TMEM132C: variants seen among roughly 807,000 people sequenced by gnomAD.
TMEM132C encodes the protein protein phosphatase 1, regulatory subunit 152.
In TMEM132C, 29 loss-of-function variants were observed where a neutral mutation model predicts 61.4. The ratio of observed to expected loss-of-function variants is 0.47; its 90% CI spans 0.35 to 0.64. TMEM132C has a LOEUF of 0.64. TMEM132C is among the 30% of genes least tolerant of loss of function. The pLI, the probability that TMEM132C is intolerant of heterozygous loss-of-function variation, is 0.00. For missense variants in TMEM132C, 1,408 were observed against 1,476.9 expected (o/e 0.95, Z 0.76); for synonymous variants, 656 against 633.1 (o/e 1.04, Z -0.54).
At chr12:128,700,087 T>C (rs567793324) in intron 8 of TMEM132C, among the ~76,000 whole-genome samples, 67 of 152,320 alleles carry the variant, frequency 4.4e-4, no homozygotes, top group Middle Eastern at 6.8e-3. Flanking sequence ...GGGTGGACGA[T>C]TGGCATTGCA....
intron 3 of TMEM132C, among the ~76,000 whole-genome samples, chr12:128,594,837 A>G (rs557176726): frequency 6.6e-6 from 1 of 152,334 alleles, no homozygotes; most frequent in African/African-American, 2.4e-5. Flanking sequence ...TTCACTCTCC[A>G]TGCAGGCAGC....
At chr12:128,339,219 C>A (rs960459339) in intron 1 of TMEM132C, among the ~76,000 whole-genome samples, 1 of 151,938 alleles carries the variant, frequency 6.6e-6, no homozygotes, top group Non-Finnish European at 1.5e-5. Flanking sequence ...GTGCCAGGGA[C>A]CTCCAAGGGC....
chr12:128,519,787 G>A lies in TMEM132C; in HGVS notation c.975-24170G>A, dbSNP rs186529072. On this transcript the variant is annotated intron_variant, in intron 2 of 8. Transcript: ENST00000435159. Reference sequence around the variant, plus strand: ...GACTATTGACAAGGAAGAATGAGGGGTTGGCAGTTAGTGAGACCCCTCGAG... The same window carrying A: ...GACTATTGACAAGGAAGAATGAGGGATTGGCAGTTAGTGAGACCCCTCGAG... 1.2e-3 allele frequency among the ~76,000 whole-genome samples: 183 copies of A among 152,320 alleles called. 1 individual carries two copies. Among genetic ancestry groups the A allele is most frequent in the Admixed American group, 2.3e-3 (35 of 15,308 alleles).
chr12:128,456,739 T>C (rs969276582), intron 2 of TMEM132C, among the ~76,000 whole-genome samples: 8 of 152,086 alleles, frequency 5.3e-5, no homozygotes, highest in Non-Finnish European at 1.0e-4. Context: ...CATACACCCA[T>C]GTAACCCATA....
At chr12:128,391,432 C>T (rs999978528) in intron 1 of TMEM132C, among the ~76,000 whole-genome samples, 4 of 152,174 alleles carry the variant, frequency 2.6e-5, no homozygotes, top group African/African-American at 9.7e-5. Flanking sequence ...ATGTATTCCC[C>T]TCAGGAAAGG....
intron 2 of TMEM132C, among the ~76,000 whole-genome samples, chr12:128,468,934 A>C (rs1353794834): frequency 6.6e-6 from 1 of 152,216 alleles, no homozygotes; most frequent in Admixed American, 6.5e-5. Flanking sequence ...CATGAATCAG[A>C]CTCAATGTGG....
chr12:128,329,612 C>A (rs952733100), intron 1 of TMEM132C, among the ~76,000 whole-genome samples: 1 of 152,100 alleles, frequency 6.6e-6, no homozygotes, highest in African/African-American at 2.4e-5. Flanking sequence ...ATTATCGTCC[C>A]ACAGATGGAT....
At chr12:128,488,518 G>A (rs1283619454) in intron 2 of TMEM132C, among the ~76,000 whole-genome samples, 6 of 151,880 alleles carry the variant, frequency 4.0e-5, no homozygotes, top group Non-Finnish European at 8.8e-5. Context: ...GAAATTAGCC[G>A]GACATGGTGG....
intron 2 of TMEM132C, among the ~76,000 whole-genome samples, chr12:128,515,161 C>G (rs1359537069): frequency 1.3e-5 from 2 of 152,224 alleles, no homozygotes; most frequent in African/African-American, 4.8e-5. Flanking sequence ...ATCACGTTCT[C>G]CCCTACATGC....
chr12:128,281,894 G>GGT (rs1870909638), intron 1 of TMEM132C, among the ~76,000 whole-genome samples: 1 of 152,096 alleles, frequency 6.6e-6, no homozygotes, highest in Admixed American at 6.5e-5. Flanking sequence ...CTTATCTCTA[G>GGT]GTACCCAGCC....
intron 2 of TMEM132C, among the ~76,000 whole-genome samples, chr12:128,472,586 C>T (rs760550733): frequency 2.0e-4 from 31 of 152,300 alleles, no homozygotes; most frequent in Admixed American, 5.2e-4. Context: ...GATATCAAGG[C>T]AGACCTTTCT....
chr12:128,631,461 A>T (rs1361957802), intron 4 of TMEM132C, among the ~76,000 whole-genome samples: 1 of 152,096 alleles, frequency 6.6e-6, no homozygotes, highest in East Asian at 1.9e-4. Flanking sequence ...TTCACCCTTT[A>T]GTGTGGTTCT....
intron 2 of TMEM132C, among the ~76,000 whole-genome samples, chr12:128,523,063 T>C (rs1000556295): frequency 1.3e-5 from 2 of 152,192 alleles, no homozygotes; most frequent in African/African-American, 4.8e-5. Flanking sequence ...TACAATGGAA[T>C]ATTATTCAGC....
chr12:128,680,153 G>T (rs957664500), intron 5 of TMEM132C, among the ~76,000 whole-genome samples: 9 of 152,194 alleles, frequency 5.9e-5, no homozygotes, highest in African/African-American at 2.2e-4. Context: ...TCAGAATTTT[G>T]TTTTACTCTC....
chr12:128,497,840 C>A (rs1042454692), intron 2 of TMEM132C, among the ~76,000 whole-genome samples: 2 of 152,116 alleles, frequency 1.3e-5, no homozygotes, highest in African/African-American at 4.8e-5. Context: ...TGTCCTGCCC[C>A]CAATGTCTGA....
intron 1 of TMEM132C, among the ~76,000 whole-genome samples, chr12:128,389,044 A>T (rs528419190): frequency 6.8e-6 from 1 of 146,214 alleles, no homozygotes; most frequent in Non-Finnish European, 1.5e-5. Flanking sequence ...CCTGGGAGAG[A>T]CAAAGACCAG....
intron 1 of TMEM132C, among the ~76,000 whole-genome samples, chr12:128,377,229 A>G (rs1874220973): frequency 6.6e-6 from 1 of 151,934 alleles, no homozygotes. Context: ...TAATTTTTGT[A>G]TTTTTAGTAG....
chr12:128,625,504 A>G (rs1183847712), intron 4 of TMEM132C, among the ~76,000 whole-genome samples: 1 of 152,214 alleles, frequency 6.6e-6, no homozygotes, highest in Admixed American at 6.5e-5. Context: ...ATGGCTGGGG[A>G]GGCCTCACAA....
intron 4 of TMEM132C, among the ~76,000 whole-genome samples, chr12:128,620,296 C>G (rs1470116373): frequency 6.6e-6 from 1 of 150,644 alleles, no homozygotes; most frequent in Non-Finnish European, 1.5e-5. Flanking sequence ...TCACACTAAG[C>G]TCTGCAGGTA....
Sources: gnomAD v4.1 joint callset for allele counts (sites outside exome capture counted in the v4.1 genomes callset) on GRCh38, gnomAD v4.1.1 for gene constraint, MANE v1.5 for transcripts, NCBI Gene and HGNC (gene_info 2026-07-23, HGNC 2026-07-21) for gene names.